AIFM3: variants seen among roughly 807,000 people sequenced by gnomAD.
The protein encoded by AIFM3 is apoptosis-inducing factor 3.
In AIFM3, 71 loss-of-function variants were observed where a neutral mutation model predicts 82.7. The ratio of observed to expected loss-of-function variants is 0.86; its 90% CI spans 0.71 to 1.05. The LOEUF (loss-of-function observed/expected upper bound fraction) is 1.05, where lower values mean the gene tolerates loss of function less well. Ranked by LOEUF, AIFM3 falls within the 50% of genes least tolerant of loss-of-function variation. The pLI, the probability that AIFM3 is intolerant of heterozygous loss-of-function variation, is 0.00. For synonymous variants in AIFM3, 337 were observed against 329.1 expected (o/e 1.02, Z -0.26); for missense variants, 748 against 816.7 (o/e 0.92, Z 1.03).
chr22:20,974,807 G>C lies in AIFM3; in HGVS notation c.711G>C (p.Lys237Asn), dbSNP rs1467321867. Residue 237 changes from lysine to asparagine, a missense_variant, in exon 8 of 21, where the codon AAG becomes AAC. Lys to Asn is a moderately conservative substitution (Grantham distance 94). Coordinates refer to ENST00000440238, the MANE Select transcript of AIFM3 (RefSeq NM_001386814.1). The stretch of plus-strand genomic sequence containing the variant: ...GGCACCTTCCCTACGACCGTCCCAA[G>C]CTCAGCAAGGTACAGGGGGTGGGGC... ...LDRHLPYDRPKLSKSLDTQPE... is the reference protein window; with the variant it reads ...LDRHLPYDRPNLSKSLDTQPE... 6 of 1,612,310 alleles carry C rather than the reference G, an allele frequency of 3.7e-6. No homozygotes were observed. The highest frequency in any genetic ancestry group is 5.1e-6 in the Non-Finnish European group (6 of 1,179,842).
At chr22:20,980,213 C>T (rs1476412440) in intron 19 of AIFM3, 89 bp downstream of exon 19, 2 of 1,169,778 alleles carry the variant, frequency 1.7e-6, no homozygotes, top group South Asian at 1.4e-5. Flanking sequence ...CCCCCACAAC[C>T]CTCCAGGGCC....
rs1228731481 is a variant in AIFM3, at chr22:20,979,291, ATGT to A, written c.1501_1503del (p.Leu501del). On this transcript the variant is annotated inframe_deletion, in exon 17 of 21. Transcript: ENST00000440238. ...CGCAGGGCGCGTGGCAGCCCAGAAC[ATGT>A]TGGCGCAGGAGGCGGAGATGAGCAC... The A allele has an allele frequency of 4.5e-6, 7 of 1,558,688 alleles. No individual in the cohort carries two copies. The highest frequency in any genetic ancestry group is 1.2e-5 in the South Asian group (1 of 84,586).
Position 20,981,099 on chromosome 22 carries a change from G to C in AIFM3, c.*68G>C. On this transcript the variant is annotated 3_prime_UTR_variant, in exon 21 of 21. Coordinates refer to ENST00000440238, the MANE Select transcript of AIFM3 (RefSeq NM_001386814.1). The stretch of plus-strand genomic sequence containing the variant: ...GGCACAGGCCAAGCCTTGGGGGCAG[G>C]TGCCAATCTCCAGTCCCAGGATCCC... 6.2e-7 allele frequency: 1 copy of C among 1,602,744 alleles called. No homozygotes were observed. Among genetic ancestry groups the C allele is most frequent in the Non-Finnish European group, 8.5e-7 (1 of 1,173,132 alleles).
chr22:20,979,578 G>C (rs986572061), intron 17 of AIFM3, 49 bp from the exon 18 acceptor site: 2 of 1,607,248 alleles, frequency 1.2e-6, no homozygotes, highest in South Asian at 2.2e-5. Flanking sequence ...GTGACGTCTC[G>C]TTCCCTCCCC....
chr22:20,980,445 T>C, intron 19 of AIFM3: 1 of 597,632 alleles, frequency 1.7e-6, no homozygotes, highest in Non-Finnish European at 3.0e-6. Context: ...GTGCTGAGCC[T>C]GGCAGAAGCT....
At position 20,976,744 on chromosome 22, in the gene AIFM3, G is replaced by A. The variant is rs772263424; in HGVS notation, c.1124G>A (p.Arg375His). Residue 375 changes from arginine to histidine, a missense_variant, in exon 12 of 21, where the codon CGC becomes CAC. Around this residue, in one of 5 missense-constraint regions of AIFM3, gnomAD observed 393 missense variants for 481.1 expected, o/e 0.82. Coordinates refer to ENST00000440238, the MANE Select transcript of AIFM3 (RefSeq NM_001386814.1). The stretch of plus-strand genomic sequence containing the variant: ...CCCTTCAGGAGGTTCCTGGGGGAGC[G>A]CGTGGGTCGTGCCCTCATGAAGGTG... ...ETPFRRFLGE[R>H]VGRALMKMFE... 36 of 1,610,894 alleles carry A rather than the reference G, an allele frequency of 2.2e-5. No individual in the cohort carries two copies. Among genetic ancestry groups the A allele is most frequent in the South Asian group, 3.3e-5 (3 of 90,802 alleles).
chr22:20,976,570 C>A, intron 11 of AIFM3, 32 bp downstream of exon 11: 2 of 1,612,860 alleles, frequency 1.2e-6, no homozygotes, highest in South Asian at 1.1e-5. Context: ...AGATGGTGGT[C>A]AGGTCGTCAT....
chr22:20,980,896 G>A, intron 20 of AIFM3, 96 bp from the exon 21 acceptor site: 1 of 1,608,932 alleles, frequency 6.2e-7, no homozygotes, highest in South Asian at 1.1e-5. Context: ...GCACAGAACA[G>A]ACCCCCTGCT....
At position 20,969,398 on chromosome 22, in the gene AIFM3, C is replaced by T. The variant is rs576134163; in HGVS notation, c.31+1423C>T. Among the ~76,000 whole-genome samples the T allele has an allele frequency of 1.7e-3, 255 of 152,224 alleles. 3 individuals are homozygous for T. The highest frequency in any genetic ancestry group is 5.9e-3 in the African/African-American group (247 of 41,534). The stretch of plus-strand genomic sequence containing the variant: ...TCATTGTAAAGTGGGGCTGTTGTGC[C>T]TAGCATGAGGGCCTGGCACACCAGA... On this transcript the variant is annotated intron_variant, in intron 2 of 20. Coordinates refer to ENST00000440238, the MANE Select transcript of AIFM3 (RefSeq NM_001386814.1).
At chr22:20,970,279 TTC>T (rs1923187219) in intron 2 of AIFM3, among the ~76,000 whole-genome samples, 1 of 152,068 alleles carries the variant, frequency 6.6e-6, no homozygotes, top group Non-Finnish European at 1.5e-5. Context: ...GCATTTGCTG[TTC>T]TCTCTGTTTT....
chr22:20,973,987 C>T (rs1011228695), intron 4 of AIFM3, 76 bp from the exon 5 acceptor site: 38 of 1,506,096 alleles, frequency 2.5e-5, no homozygotes, highest in African/African-American at 5.5e-5. Flanking sequence ...GGGAGGGGCC[C>T]GCAGTTGCCG....
In AIFM3 at chr22:20,967,856, A is replaced by G. The variant is rs1265744272; in HGVS notation, c.-89A>G. 34 of 1,450,216 alleles carry G rather than the reference A, an allele frequency of 2.3e-5. No individual in the cohort carries two copies. In the Admixed American group the frequency reaches 5.4e-4, roughly 23 times the overall value. 89.8% of individuals were successfully genotyped at this position (1,450,216 alleles called of 1,614,324 possible). A position where few individuals can be genotyped will look rare whatever the true frequency, so the allele number is the denominator to read the frequency against. On this transcript the variant is annotated 5_prime_UTR_variant, in exon 2 of 21. Transcript: ENST00000440238. ...CGGCTCCAGCGTCTCTAAGGCCTGC[A>G]GGGGGTCCAGCCCCATGGGGGGCGC... is the stretch of plus-strand genomic sequence containing the variant.
Position 20,980,046 on chromosome 22 carries a change from G to A in AIFM3, c.1679G>A (p.Ser560Asn). ...TKGDEVIAVA[S>N]MNYDPIVSKV... The stretch of plus-strand genomic sequence containing the variant: ...GGCGACGAGGTGATCGCCGTGGCCA[G>A]CATGAACTACGATCCCATTGTGTCC... The change falls in exon 19 of 21, where the codon AGC becomes AAC. Residue 560 changes from serine (S) to asparagine (N), a missense_variant. Around this residue, in one of 5 missense-constraint regions of AIFM3, gnomAD observed 183 missense variants for 158.2 expected, o/e 1.16. Transcript: ENST00000440238. The A allele has an allele frequency of 6.2e-7, 1 of 1,611,376 alleles. No homozygotes were observed. Among genetic ancestry groups the A allele is most frequent in the Non-Finnish European group, 8.5e-7 (1 of 1,179,966 alleles).
intron 2 of AIFM3, 75 bp from the exon 3 acceptor site, chr22:20,973,232 C>T (rs1923383319): frequency 6.6e-7 from 1 of 1,508,578 alleles, no homozygotes. Context: ...GAGGAGCTGG[C>T]CTCTGCACCC....
rs576119035 is a variant in AIFM3 at position 20,976,814 on chromosome 22, C to T, written c.1146+48C>T. ...TGCCTTGGAGCCCTGGGGCCCAGCC[C>T]GGCCCCTGGCTGGGCTCTCATCCAC... On this transcript the variant is annotated intron_variant, in intron 12 of 20. Transcript: ENST00000440238. 336 of 1,594,268 alleles carry T rather than the reference C, an allele frequency of 2.1e-4. 1 individual carries two copies. The highest frequency in any genetic ancestry group is 1.0e-3 in the Middle Eastern group (6 of 5,940).
At position 20,973,755 on chromosome 22, in the gene AIFM3, C is replaced by A. The variant is rs576417164; in HGVS notation, c.246-3C>A. The A allele has an allele frequency of 3.9e-6, 6 of 1,548,776 alleles. No individual in the cohort carries two copies. Among genetic ancestry groups the A allele is most frequent in the Non-Finnish European group, 5.2e-6 (6 of 1,147,242 alleles). ...CTGACCTCTGAGTGCTGCGGTTCCC[C>A]AGGATGCGGGAAGTGGAGCTGGGCT... On this transcript the variant is annotated splice_polypyrimidine_tract_variant and splice_region_variant and intron_variant, in intron 3 of 20. Transcript: ENST00000440238.
Position 20,967,867 on chromosome 22 carries a change from C to T in AIFM3, c.-78C>T. 6.5e-7 allele frequency: 1 copy of T among 1,544,762 alleles called. No individual in the cohort carries two copies. The highest frequency in any genetic ancestry group is 8.9e-7 in the Non-Finnish European group (1 of 1,118,418). ...TCTCTAAGGCCTGCAGGGGGTCCAG[C>T]CCCATGGGGGGCGCCCTAGGCCTCC... On this transcript the variant is annotated 5_prime_UTR_variant, in exon 2 of 21. Transcript: ENST00000440238.
intron 18 of AIFM3, 133 bp downstream of exon 18, chr22:20,979,835 A>T: frequency 7.8e-7 from 1 of 1,279,694 alleles, no homozygotes; most frequent in Non-Finnish European, 1.1e-6. Context: ...CTTCCTTAGG[A>T]AAGCCCGAAG....
At chr22:20,977,372 C>T in intron 14 of AIFM3, 1 of 607,964 alleles carries the variant, frequency 1.6e-6, no homozygotes, top group Non-Finnish European at 2.9e-6. Context: ...CTCGAACTGG[C>T]TTCTGCTCCA....
Sources: gnomAD v4.1 joint callset for allele counts (sites outside exome capture counted in the v4.1 genomes callset) on GRCh38, gnomAD v4.1.1 for gene constraint, gnomAD v4.1.1 regional missense constraint, MANE v1.5 for transcripts, NCBI Gene and HGNC (gene_info 2026-07-23, HGNC 2026-07-21) for gene names.